TCF4: variants seen among roughly 807,000 people sequenced by gnomAD.
TCF4 encodes SL3-3 enhancer factor 2.
In TCF4, 3 loss-of-function variants were observed where a neutral mutation model predicts 82.1. The observed-to-expected ratio is 0.04, with a 90% CI of 0.02 to 0.09. The LOEUF (loss-of-function observed/expected upper bound fraction) is 0.09, where lower values mean the gene tolerates loss of function less well. Among genes scored for constraint, TCF4 ranks in the 10% least tolerant of loss-of-function variants. The pLI is 1.00. For synonymous variants in TCF4, 276 were observed against 309.6 expected (o/e 0.89, Z 1.14); for missense variants, 518 against 852.7 (o/e 0.61, Z 4.89).
At chr18:55,352,008 A>G (rs1180491720) in intron 6 of TCF4, 1 of 647,310 alleles carries the variant, frequency 1.5e-6, no homozygotes, top group Non-Finnish European at 1.9e-6. Context: ...TGTCCTTGAT[A>G]AAGTACAGAA....
chr18:55,361,421 C>A (rs938220340), intron 6 of TCF4, among the ~76,000 whole-genome samples: 2 of 152,214 alleles, frequency 1.3e-5, no homozygotes, highest in African/African-American at 4.8e-5. Flanking sequence ...TCCCTGCAGC[C>A]TACCTATAGT....
intron 8 of TCF4, among the ~76,000 whole-genome samples, chr18:55,339,569 G>T (rs1040296416): frequency 4.6e-5 from 7 of 152,230 alleles, no homozygotes; most frequent in Middle Eastern, 3.4e-3. Flanking sequence ...TCAGCCAACA[G>T]GGACTTTTCC....
chr18:55,411,521 C>T (rs185587427), intron 5 of TCF4, among the ~76,000 whole-genome samples: 29 of 152,154 alleles, frequency 1.9e-4, no homozygotes, highest in African/African-American at 6.7e-4. Context: ...GTCAAAAGCA[C>T]GCAGAAATAA....
chr18:55,234,769 C>T (rs1358668952), intron 15 of TCF4, 86 bp from the exon 16 acceptor site: 1 of 1,549,612 alleles, frequency 6.5e-7, no homozygotes, highest in African/African-American at 1.3e-5. Flanking sequence ...CTGATGAAGG[C>T]TGGCTTTTCA....
chr18:55,578,190 C>T (rs1224260086), intron 3 of TCF4, among the ~76,000 whole-genome samples: 1 of 152,104 alleles, frequency 6.6e-6, no homozygotes, highest in Non-Finnish European at 1.5e-5. Flanking sequence ...GACAAGTGGG[C>T]TGGATTACAA....
chr18:55,520,178 A>G (rs1015259589), intron 3 of TCF4, among the ~76,000 whole-genome samples: 2 of 152,236 alleles, frequency 1.3e-5, no homozygotes, highest in South Asian at 2.1e-4. Flanking sequence ...CAATGATAGC[A>G]TAAGAATGTC....
At position 55,356,102 on chromosome 18, in the gene TCF4, T is replaced by C. The variant is rs547291255; in HGVS notation, c.370-5099A>G. 9.9e-5 allele frequency among the ~76,000 whole-genome samples: 15 copies of C among 152,206 alleles called. 1 individual carries two copies. The highest frequency in any genetic ancestry group is 9.8e-4 in the Admixed American group (15 of 15,274). ...AATAGATGAAACAACATATGTAAAA[T>C]GTTCCGCAGAGCCAGGGTCCAGCAC... On this transcript the variant is annotated intron_variant, in intron 6 of 19. Coordinates refer to ENST00000354452, the MANE Select transcript of TCF4 (RefSeq NM_001083962.2).
At chr18:55,514,469 C>T (rs1010998873) in intron 3 of TCF4, among the ~76,000 whole-genome samples, 1 of 151,528 alleles carries the variant, frequency 6.6e-6, no homozygotes, top group African/African-American at 2.4e-5. Context: ...TACCACCATG[C>T]TGGTCAGTAC....
chr18:55,464,463 A>T (rs1603486075), intron 3 of TCF4, among the ~76,000 whole-genome samples: 1 of 152,250 alleles, frequency 6.6e-6, no homozygotes. Flanking sequence ...AAATAAGTTT[A>T]AAAATGCACT....
intron 2 of TCF4, among the ~76,000 whole-genome samples, chr18:55,614,005 G>A: frequency 6.6e-6 from 1 of 152,110 alleles, no homozygotes; most frequent in East Asian, 1.9e-4. Flanking sequence ...TGCGGCCTGG[G>A]CTCAAGTAAT....
chr18:55,518,271 C>T (rs920691945), intron 3 of TCF4, among the ~76,000 whole-genome samples: 1 of 151,950 alleles, frequency 6.6e-6, no homozygotes, highest in Non-Finnish European at 1.5e-5. Context: ...TCATCAGGTA[C>T]AGTTAAGTAG....
intron 5 of TCF4, among the ~76,000 whole-genome samples, chr18:55,438,166 A>G (rs2095367592): frequency 6.7e-6 from 1 of 148,356 alleles, no homozygotes; most frequent in African/African-American, 2.5e-5. Context: ...ATACCACTGC[A>G]CTCCAGCCTG....
intron 6 of TCF4, among the ~76,000 whole-genome samples, chr18:55,366,201 T>C (rs981417279): frequency 6.6e-6 from 1 of 152,226 alleles, no homozygotes; most frequent in Non-Finnish European, 1.5e-5. Flanking sequence ...TAGATATTTA[T>C]TTATTTGTTC....
rs942743991 is a variant in TCF4 at position 55,261,336 on chromosome 18, A to G, written c.990+130T>C. The stretch of plus-strand genomic sequence containing the variant: ...TCAAATTTTCCAGTGACTGTTATGC[A>G]AGAAAGCTAGCATTTTCCAAAAATC... On this transcript the variant is annotated intron_variant, in intron 12 of 19. Coordinates refer to ENST00000354452, the MANE Select transcript of TCF4 (RefSeq NM_001083962.2). 1.8e-5 allele frequency: 20 copies of G among 1,134,510 alleles called. No homozygotes were observed. The African/African-American group carries it at 2.4e-4, about 14-fold the overall frequency. The allele number at this position is 1,134,510 out of a possible 1,614,324, so 70.3% of individuals were successfully genotyped here.
At chr18:55,351,430 T>A (rs1027273320) in intron 6 of TCF4, 1 of 199,774 alleles carries the variant, frequency 5.0e-6, no homozygotes, top group African/African-American at 2.4e-5. Flanking sequence ...GGGGTAAGTG[T>A]AGCCTATGAA....
chr18:55,384,935 TCAC>T (rs1345153328), intron 6 of TCF4, among the ~76,000 whole-genome samples: 3 of 152,112 alleles, frequency 2.0e-5, no homozygotes, highest in Non-Finnish European at 2.9e-5. Flanking sequence ...TCTAATCTAA[TCAC>T]TAAATGCTGA....
chr18:55,455,012 C>T (rs973548739), intron 5 of TCF4, among the ~76,000 whole-genome samples: 5 of 151,746 alleles, frequency 3.3e-5, no homozygotes, highest in African/African-American at 7.3e-5. Flanking sequence ...CATGGTAAAA[C>T]CCCATCTCTA....
intron 8 of TCF4, among the ~76,000 whole-genome samples, chr18:55,309,111 T>TATC (rs1218958676): frequency 6.6e-6 from 1 of 151,806 alleles, no homozygotes; most frequent in Admixed American, 6.6e-5. Flanking sequence ...TTATTATTAT[T>TATC]ATCATTATTT....
intron 2 of TCF4, among the ~76,000 whole-genome samples, chr18:55,621,434 A>G (rs1189344062): frequency 1.7e-5 from 2 of 118,576 alleles, no homozygotes; most frequent in East Asian, 4.3e-4. Flanking sequence ...TATAATATAT[A>G]AAAATATATA....
Sources: gnomAD v4.1 joint callset for allele counts (sites outside exome capture counted in the v4.1 genomes callset) on GRCh38, gnomAD v4.1.1 for gene constraint, MANE v1.5 for transcripts, NCBI Gene and HGNC (gene_info 2026-07-23, HGNC 2026-07-21) for gene names.